The following CNTNAP3B variants were observed in gnomAD, a reference collection of about 807,000 sequenced individuals.
CNTNAP3B encodes contactin-associated protein-like 3B.
Under a neutral mutation model 108.9 loss-of-function variants are expected in CNTNAP3B, and 25 were observed. The observed-to-expected ratio is 0.23, with a 90% CI of 0.17 to 0.32. CNTNAP3B has a LOEUF of 0.32. CNTNAP3B is among the 10% of genes least tolerant of loss of function. The pLI is 1.00. For synonymous variants in CNTNAP3B, 103 were observed against 473.4 expected (o/e 0.22, Z 10.16); for missense variants, 252 against 1,210.4 (o/e 0.21, Z 11.75).
intron 10 of CNTNAP3B, among the ~76,000 whole-genome samples, chr9:41,968,986 C>T (rs62556385): frequency 0.96 from 138,385 of 143,560 alleles, 66,605 homozygotes; most frequent in Non-Finnish European, 0.98. Flanking sequence ...TTAGTAGAGA[C>T]GGGGTTTCAC....
At chr9:42,030,702 C>T (rs1373681336) in intron 3 of CNTNAP3B, among the ~76,000 whole-genome samples, 1 of 95,560 alleles carries the variant, frequency 1.0e-5, no homozygotes, top group East Asian at 3.4e-4. Flanking sequence ...ACCCTTCCCC[C>T]ACCTGCAGCT....
At position 42,044,745 on chromosome 9, in the gene CNTNAP3B, A is replaced by G. The variant is rs567389074; in HGVS notation, c.391-31220T>C. Among the ~76,000 whole-genome samples the G allele has an allele frequency of 2.8e-5, 4 of 143,556 alleles. No individual in the cohort carries two copies. The Admixed American group carries it at 2.8e-4, about 10-fold the overall frequency. The allele number at this position is 143,556 out of a possible 152,430, so 94.2% of individuals were successfully genotyped here. On this transcript the variant is annotated intron_variant, in intron 3 of 23. Transcript: ENST00000377561. ...AGATGGTTCTGTGGACTTAACAAGA[A>G]AAGGAAAAGGATAAAGCCTGTGCCA...
intron 13 of CNTNAP3B, among the ~76,000 whole-genome samples, chr9:41,948,316 T>C (rs1235290089): frequency 6.6e-6 from 1 of 152,084 alleles, no homozygotes; most frequent in Non-Finnish European, 1.5e-5. Flanking sequence ...GGTCTCGAAC[T>C]CCTGACCTCA....
rs1190718670 is a variant in CNTNAP3B at position 42,102,005 on chromosome 9, C to T, written c.196+2624G>A. ...TCAGGAGGCGGAGCTTGCAGTGAGC[C>T]GAGATTGCACCACTGCACTCCAGCC... On this transcript the variant is annotated intron_variant, in intron 2 of 23. Coordinates refer to ENST00000377561, the MANE Select transcript of CNTNAP3B (RefSeq NM_001201380.3). 4.2e-4 allele frequency among the ~76,000 whole-genome samples: 34 copies of T among 80,550 alleles called. 8 individuals are homozygous for T. The highest frequency in any genetic ancestry group is 1.8e-3 in the Admixed American group (13 of 7,238). 52.8% of individuals were successfully genotyped at this position (80,550 alleles called of 152,430 possible).
rs529039258 is a variant in CNTNAP3B at position 42,079,772 on chromosome 9, A to G, written c.197-2710T>C. ...CCTGACCTAGTGATTTGCCCACCTC[A>G]GCCTCCCAAAGTGCTGGGATTACAG... is the stretch of plus-strand genomic sequence containing the variant. On this transcript the variant is annotated intron_variant, in intron 2 of 23. Coordinates refer to ENST00000377561, the MANE Select transcript of CNTNAP3B (RefSeq NM_001201380.3). Among the ~76,000 whole-genome samples the G allele has an allele frequency of 8.2e-3, 1,138 of 138,412 alleles. 161 individuals carry two copies. The highest frequency in any genetic ancestry group is 0.013 in the Non-Finnish European group (850 of 64,640). 90.8% of individuals were successfully genotyped at this position (138,412 alleles called of 152,430 possible).
intron 11 of CNTNAP3B, among the ~76,000 whole-genome samples, chr9:41,964,287 C>A (rs1367688792): frequency 7.2e-5 from 11 of 152,070 alleles, no homozygotes; most frequent in Non-Finnish European, 1.3e-4. Flanking sequence ...ATATCTGATT[C>A]TCCTAGACTT....
chr9:42,118,565 A>G (rs1828377397), intron 1 of CNTNAP3B, among the ~76,000 whole-genome samples: 2 of 127,772 alleles, frequency 1.6e-5, no homozygotes, highest in Admixed American at 7.9e-5. Context: ...CCCACAGCCA[A>G]TATCATACTG....
At chr9:41,969,540 A>G (rs1182832228) in intron 10 of CNTNAP3B, among the ~76,000 whole-genome samples, 1 of 150,816 alleles carries the variant, frequency 6.6e-6, no homozygotes, top group Non-Finnish European at 1.5e-5. Flanking sequence ...GGATCATATT[A>G]AGGTAAAATT....
At chr9:41,934,981 T>G (rs1419740952) in intron 14 of CNTNAP3B, among the ~76,000 whole-genome samples, 6 of 152,232 alleles carry the variant, frequency 3.9e-5, no homozygotes, top group Non-Finnish European at 7.3e-5. Context: ...TGTGTCATCA[T>G]TATATTAGCA....
At chr9:41,923,598 C>T (rs1308341013) in intron 16 of CNTNAP3B, among the ~76,000 whole-genome samples, 4 of 152,394 alleles carry the variant, frequency 2.6e-5, no homozygotes, top group African/African-American at 9.6e-5. Flanking sequence ...CCCACCTCTA[C>T]CAAAAATACA....
At position 41,953,234 on chromosome 9, in the gene CNTNAP3B, C is replaced by G. The variant is rs765275752; in HGVS notation, c.2029G>C (p.Glu677Gln). ...CCGCAGCGCAGAGCCAGCCGCTGCT[C>G]GCAGCGCTCCGCCAGGTTCACCGCG... The part of the protein sequence containing the change: ...RAAVNLAERC[E>Q]QRLALRCGTA... The change falls in exon 13 of 24, where the codon GAG becomes CAG. Residue 677 changes from glutamate to glutamine, a missense_variant. Coordinates refer to ENST00000377561, the MANE Select transcript of CNTNAP3B (RefSeq NM_001201380.3). 1.4e-5 allele frequency: 22 copies of G among 1,527,666 alleles called. No individual in the cohort carries two copies. The highest frequency in any genetic ancestry group is 1.3e-4 in the South Asian group (11 of 83,398). The allele number at this position is 1,527,666 out of a possible 1,614,324, so 94.6% of individuals were successfully genotyped here. A position where few individuals can be genotyped will look rare whatever the true frequency, so the allele number is the denominator to read the frequency against.
intron 18 of CNTNAP3B, among the ~76,000 whole-genome samples, chr9:41,916,373 C>T (rs1716507543): frequency 6.7e-6 from 1 of 148,458 alleles, no homozygotes; most frequent in African/African-American, 2.5e-5. Flanking sequence ...AGAAATATGA[C>T]ATTATACTTT....
intron 3 of CNTNAP3B, among the ~76,000 whole-genome samples, chr9:42,030,792 C>A (rs74431403): frequency 3.4e-3 from 143 of 41,636 alleles, no homozygotes; most frequent in East Asian, 6.7e-3. Flanking sequence ...GAGATGTGTG[C>A]GAGAGAGAGA....
intron 12 of CNTNAP3B, among the ~76,000 whole-genome samples, chr9:41,959,315 G>C (rs1587146942): frequency 6.6e-6 from 1 of 152,222 alleles, no homozygotes; most frequent in East Asian, 1.9e-4. Context: ...ATTATTGCTT[G>C]ATTTGTACAA....
chr9:42,095,655 T>C lies in CNTNAP3B; in HGVS notation c.196+8974A>G, dbSNP rs1205031535. ...CTCCATAACCCAGAAAGCTTTCTAGTAGGAGCTGGAATTCTGGCTGATACA... is the reference window on the plus strand; with the variant it reads ...CTCCATAACCCAGAAAGCTTTCTAGCAGGAGCTGGAATTCTGGCTGATACA... On this transcript the variant is annotated intron_variant, in intron 2 of 23. Transcript: ENST00000377561. 2.2e-4 allele frequency among the ~76,000 whole-genome samples: 30 copies of C among 138,354 alleles called. 5 individuals are homozygous for C. The highest frequency in any genetic ancestry group is 8.7e-4 in the African/African-American group (30 of 34,644). 90.8% of individuals were successfully genotyped at this position (138,354 alleles called of 152,430 possible).
Position 42,115,257 on chromosome 9 carries a change from C to T in CNTNAP3B, c.86-10518G>A, listed in dbSNP as rs1333592677. 1.1e-4 allele frequency among the ~76,000 whole-genome samples: 15 copies of T among 135,464 alleles called. 3 individuals carry two copies. Among genetic ancestry groups the T allele is most frequent in the East Asian group, 9.2e-4 (4 of 4,370 alleles). The allele number at this position is 135,464 out of a possible 152,430, so 88.9% of individuals were successfully genotyped here. ...ATAAGGCTAAGAAAATAGACAGGTC[C>T]GGATCCAAGATGGTCGAATAGGAAC... On this transcript the variant is annotated intron_variant, in intron 1 of 23. Coordinates refer to ENST00000377561, the MANE Select transcript of CNTNAP3B (RefSeq NM_001201380.3).
intron 14 of CNTNAP3B, among the ~76,000 whole-genome samples, chr9:41,934,112 T>TATATATATATATAC (rs1206776352): frequency 2.8e-4 from 36 of 126,348 alleles, no homozygotes; most frequent in African/African-American, 1.0e-3. Context: ...TATATATATA[T>TATATATATATATAC]ATATATATAT....
intron 14 of CNTNAP3B, among the ~76,000 whole-genome samples, chr9:41,934,168 C>CAT (rs1296468116): frequency 2.0e-5 from 2 of 100,330 alleles, no homozygotes; most frequent in African/African-American, 3.8e-5. Flanking sequence ...CACACACACA[C>CAT]ATATATATAC....
chr9:42,018,953 C>T (rs1273858969), intron 3 of CNTNAP3B, among the ~76,000 whole-genome samples: 2 of 88,842 alleles, frequency 2.3e-5, no homozygotes, highest in Non-Finnish European at 2.3e-5. Flanking sequence ...TACTTATTAT[C>T]ATCTGTTAAT....
Sources: allele counts gnomAD v4.1 joint callset (sites outside exome capture counted in the v4.1 genomes callset), GRCh38; gene constraint gnomAD v4.1.1; transcripts MANE v1.5; gene names NCBI Gene and HGNC (gene_info 2026-07-23, HGNC 2026-07-21).